Variants in CIMAP1D observed in about 807,000 individuals in gnomAD.
CIMAP1D encodes CIMAP1 family member D.
chr19:469,916 C>T, the CIMAP1D span, among the ~76,000 whole-genome samples: 7 of 152,182 alleles, frequency 4.6e-5, no homozygotes, highest in South Asian at 4.2e-4. Flanking sequence ...CTCAGTGCCC[C>T]GTGAGAAATG....
chr19:465,444 T>C, the CIMAP1D span, among the ~76,000 whole-genome samples: 2 of 122,266 alleles, frequency 1.6e-5, no homozygotes, highest in Non-Finnish European at 3.3e-5. Context: ...GATGGTTGGA[T>C]GGATGAGTGG....
chr19:472,490 C>T, the CIMAP1D span: 1 of 1,543,560 alleles, frequency 6.5e-7, no homozygotes. Flanking sequence ...ACATACAAGC[C>T]TGGCCCCGAG....
chr19:467,889 C>T, the CIMAP1D span: 5,900 of 621,986 alleles, frequency 9.5e-3, 52 homozygotes, highest in African/African-American at 0.016. Flanking sequence ...AGTCCCATCT[C>T]GGAGGGGTCA....
chr19:469,690 C>CAAAAAG, the CIMAP1D span, among the ~76,000 whole-genome samples: 5,509 of 151,386 alleles, frequency 0.036, 310 homozygotes, highest in East Asian at 0.22. Context: ...GACTCAGTCT[C>CAAAAAG]AAAAAGAAAA....
the CIMAP1D span, among the ~76,000 whole-genome samples, chr19:482,595 GA>G: frequency 5.0e-5 from 7 of 140,860 alleles, no homozygotes; most frequent in African/African-American, 1.8e-4. Context: ...TACAGGGTGA[GA>G]TCGGCAGGGC....
At chr19:483,791 A>T in the CIMAP1D span, among the ~76,000 whole-genome samples, 6 of 152,146 alleles carry the variant, frequency 3.9e-5, no homozygotes, top group Non-Finnish European at 8.8e-5. Flanking sequence ...CGGCTCTGGG[A>T]TCAACACTGT....
At chr19:467,877 C>G in the CIMAP1D span, 27,191 of 653,042 alleles carry the variant, frequency 0.042, 1,562 homozygotes, top group South Asian at 0.16. Flanking sequence ...AGAGGCCACC[C>G]CAGTCCCATC....
the CIMAP1D span, among the ~76,000 whole-genome samples, chr19:476,479 C>T: frequency 3.3e-5 from 5 of 152,270 alleles, no homozygotes; most frequent in Admixed American, 6.5e-5. Flanking sequence ...CGTAAGCCAC[C>T]GTGCCTGGCC....
the CIMAP1D span, chr19:472,690 A>G: frequency 3.8e-6 from 2 of 529,684 alleles, no homozygotes; most frequent in South Asian, 2.5e-5. Context: ...TCAGACATGA[A>G]TCACAGAGGA....
the CIMAP1D span, among the ~76,000 whole-genome samples, chr19:482,045 G>A: frequency 1.3e-5 from 2 of 151,868 alleles, no homozygotes; most frequent in African/African-American, 4.8e-5. Flanking sequence ...CAAAGCACTG[G>A]GTTTACAGGC....
At chr19:464,664 T>C in the CIMAP1D span, among the ~76,000 whole-genome samples, 3 of 152,286 alleles carry the variant, frequency 2.0e-5, no homozygotes, top group East Asian at 5.8e-4. Context: ...AGCCTGGGTT[T>C]TCCCCTCTCT....
chr19:464,085 G>A, the CIMAP1D span: 7 of 1,543,676 alleles, frequency 4.5e-6, no homozygotes, highest in Admixed American at 2.0e-5. Flanking sequence ...GTTTGCGTCC[G>A]GGCTGTCGTA....
At chr19:469,220 A>ATTTTTTT in the CIMAP1D span, among the ~76,000 whole-genome samples, 1 of 147,286 alleles carries the variant, frequency 6.8e-6, no homozygotes. Flanking sequence ...GGCTGGGGAG[A>ATTTTTTT]TTCTTTTTTT....
At chr19:464,984 G>A in the CIMAP1D span, among the ~76,000 whole-genome samples, 2 of 148,294 alleles carry the variant, frequency 1.3e-5, no homozygotes, top group African/African-American at 5.0e-5. Flanking sequence ...GAGTGGGTAG[G>A]TGGGTGGCTG....
At chr19:468,864 C>T in the CIMAP1D span, among the ~76,000 whole-genome samples, 3 of 44,994 alleles carry the variant, frequency 6.7e-5, no homozygotes, top group South Asian at 5.7e-4. Flanking sequence ...CAGACCTCCC[C>T]GAAACATCAT....
the CIMAP1D span, among the ~76,000 whole-genome samples, chr19:486,786 C>T: frequency 6.6e-6 from 1 of 151,748 alleles, no homozygotes; most frequent in Non-Finnish European, 1.5e-5. Context: ...TGGTGGCAGG[C>T]GCCTGTAGTC....
the CIMAP1D span, among the ~76,000 whole-genome samples, chr19:485,706 T>C: frequency 2.6e-5 from 4 of 152,178 alleles, no homozygotes; most frequent in African/African-American, 9.7e-5. Flanking sequence ...ATCCTCCGGC[T>C]GCAGATGAGG....
the CIMAP1D span, among the ~76,000 whole-genome samples, chr19:469,523 C>A: frequency 6.6e-6 from 1 of 152,176 alleles, no homozygotes; most frequent in African/African-American, 2.4e-5. Context: ...AACCCTGTCT[C>A]TACTAAAAAT....
At chr19:488,525 A>C in the CIMAP1D span, among the ~76,000 whole-genome samples, 1 of 152,222 alleles carries the variant, frequency 6.6e-6, no homozygotes, top group Middle Eastern at 3.2e-3. Context: ...CCGTCTCAAA[A>C]AAATAACAAG....
Sources: gnomAD v4.1 joint callset for allele counts (sites outside exome capture counted in the v4.1 genomes callset) on GRCh38, gnomAD v4.1.1 for gene constraint, MANE v1.5 for transcripts, NCBI Gene and HGNC (gene_info 2026-07-23, HGNC 2026-07-21) for gene names.